The following SLC4A4 variants were observed in gnomAD, a reference collection of about 807,000 sequenced individuals.
The protein encoded by SLC4A4 is solute carrier family 4 member 4.
In SLC4A4, 27 loss-of-function variants were observed where a neutral mutation model predicts 111.5. The ratio of observed to expected loss-of-function variants is 0.24; its 90% confidence interval spans 0.18 to 0.33. SLC4A4 has a LOEUF of 0.33. Ranked by LOEUF, SLC4A4 falls within the 10% of genes least tolerant of loss-of-function variation. The probability of loss-of-function intolerance (pLI) is 1.00; values close to 1 mark genes in which losing one functional copy is unlikely to be tolerated. For missense variants in SLC4A4, 909 were observed against 1,315.5 expected (o/e 0.69, Z 4.78); for synonymous variants, 443 against 463.4 (o/e 0.96, Z 0.57).
intron 1 of SLC4A4, among the ~76,000 whole-genome samples, chr4:71,082,551 G>T (rs745809681): frequency 6.6e-6 from 1 of 152,038 alleles, no homozygotes; most frequent in Non-Finnish European, 1.5e-5. Context: ...CAGGAGAAGA[G>T]TATCTATTTA....
intron 2 of SLC4A4, 130 bp downstream of exon 2, chr4:71,236,779 A>T (rs562141200): frequency 1.3e-6 from 1 of 777,460 alleles, no homozygotes; most frequent in African/African-American, 1.7e-5. Flanking sequence ...AGTTTCATCA[A>T]TCTCTACATT....
chr4:71,252,588 G>A (rs72850700), intron 2 of SLC4A4, among the ~76,000 whole-genome samples: 2,573 of 152,246 alleles, frequency 0.017, 74 homozygotes, highest in African/African-American at 0.059. Flanking sequence ...TTGTTGGAAG[G>A]CAATATCTTC....
intron 2 of SLC4A4, among the ~76,000 whole-genome samples, chr4:71,097,261 G>A (rs1003139188): frequency 1.3e-5 from 2 of 152,128 alleles, no homozygotes; most frequent in African/African-American, 4.8e-5. Flanking sequence ...AGTTACAAGT[G>A]AGGACACGTG....
intron 4 of SLC4A4, among the ~76,000 whole-genome samples, chr4:71,348,058 C>T (rs1729486417): frequency 1.3e-5 from 2 of 151,966 alleles, no homozygotes; most frequent in African/African-American, 4.8e-5. Context: ...GATTCATATG[C>T]CTATTACCAA....
intron 3 of SLC4A4, among the ~76,000 whole-genome samples, chr4:71,333,042 AG>A (rs1374519645): frequency 2.6e-5 from 4 of 152,132 alleles, no homozygotes; most frequent in African/African-American, 7.2e-5. Context: ...TTGTTTGGTG[AG>A]GTCATGTTTT....
At chr4:71,221,449 CAA>C (rs1270426773) in intron 1 of SLC4A4, among the ~76,000 whole-genome samples, 2 of 152,180 alleles carry the variant, frequency 1.3e-5, no homozygotes, top group Admixed American at 1.3e-4. Flanking sequence ...CATTTTCCCC[CAA>C]AGTGCAGTCA....
chr4:71,367,141 C>G (rs1026450092), intron 6 of SLC4A4, among the ~76,000 whole-genome samples: 1 of 152,156 alleles, frequency 6.6e-6, no homozygotes, highest in African/African-American at 2.4e-5. Flanking sequence ...TAGTTCCCAA[C>G]AATACACTGA....
chr4:71,201,376 T>C (rs1278216766), intron 1 of SLC4A4, among the ~76,000 whole-genome samples: 1 of 152,168 alleles, frequency 6.6e-6, no homozygotes, highest in Admixed American at 6.5e-5. Context: ...GTCAGACGGC[T>C]CTCTTTGGCT....
chr4:71,187,087 CCT>C (rs1329282724), upstream of SLC4A4: 1 of 152,180 alleles, frequency 6.6e-6, no homozygotes, highest in Non-Finnish European at 1.5e-5. Context: ...CCCGCGCTCG[CCT>C]CTCTCCGGAG....
Position 71,534,397 on chromosome 4 carries a change from C to G in SLC4A4, c.2442+9C>G. 6.2e-7 allele frequency: 1 copy of G among 1,612,206 alleles called. No individual in the cohort carries two copies. The highest frequency in any genetic ancestry group is 8.5e-7 in the Non-Finnish European group (1 of 1,178,576). On this transcript the variant is annotated intron_variant, in intron 18 of 25. Coordinates refer to ENST00000264485, the MANE Select transcript of SLC4A4 (RefSeq NM_001098484.3). The stretch of plus-strand genomic sequence containing the variant: ...AAGAACATAAACTCAAGGTAAGTGT[C>G]CATAATAATGTCTGTCATTGCCTTC...
intron 1 of SLC4A4, among the ~76,000 whole-genome samples, chr4:71,082,874 G>C (rs1013372755): frequency 6.8e-6 from 1 of 147,698 alleles, no homozygotes; most frequent in Non-Finnish European, 1.5e-5. Flanking sequence ...TTTTGTTGGA[G>C]ACAGAGTCTA....
intron 8 of SLC4A4, among the ~76,000 whole-genome samples, chr4:71,445,811 G>A (rs1233894146): frequency 3.9e-5 from 6 of 152,112 alleles, no homozygotes; most frequent in Non-Finnish European, 7.4e-5. Context: ...AGTCCCTTTA[G>A]AAAAATACAC....
At chr4:71,546,681 T>C (rs1347627981) in intron 19 of SLC4A4, among the ~76,000 whole-genome samples, 153 bp downstream of exon 19, 1 of 152,010 alleles carries the variant, frequency 6.6e-6, no homozygotes, top group East Asian at 1.9e-4. Flanking sequence ...TAAATTTTCA[T>C]CAGAGGTTTC....
At chr4:71,193,772 C>T (rs1578575019) in intron 1 of SLC4A4, among the ~76,000 whole-genome samples, 1 of 152,154 alleles carries the variant, frequency 6.6e-6, no homozygotes, top group Admixed American at 6.5e-5. Flanking sequence ...AGTTTTTATC[C>T]AGTATCTTTT....
chr4:71,423,999 G>A lies in SLC4A4; in HGVS notation c.808-16617G>A, dbSNP rs376091550. Among the ~76,000 whole-genome samples, 5 of 152,084 alleles carry A rather than the reference G, an allele frequency of 3.3e-5. 1 individual carries two copies. Among genetic ancestry groups the A allele is most frequent in the Admixed American group, 6.6e-5 (1 of 15,218 alleles). On this transcript the variant is annotated intron_variant, in intron 7 of 25. Transcript: ENST00000264485. ...AGCCAAAATTGACAAATGGGATCTA[G>A]TTAAACTAAAGAGCTTCTGCACAGC...
rs77755757 is a variant in SLC4A4, at chr4:71,523,538, G to A, written c.2167-8524G>A. 4.7e-3 allele frequency among the ~76,000 whole-genome samples: 713 copies of A among 152,180 alleles called. 12 individuals carry two copies. Among genetic ancestry groups the A allele is most frequent in the African/African-American group, 0.016 (682 of 41,528 alleles). ...GAGCAGTGATTGGCCAAAACATTTC[G>A]AGAAAGCTTTTAGTGGTTGCAAAGA... On this transcript the variant is annotated intron_variant, in intron 16 of 25. Coordinates refer to ENST00000264485, the MANE Select transcript of SLC4A4 (RefSeq NM_001098484.3).
intron 7 of SLC4A4, among the ~76,000 whole-genome samples, chr4:71,436,558 A>G (rs1329617256): frequency 6.6e-6 from 1 of 152,310 alleles, no homozygotes; most frequent in East Asian, 1.9e-4. Flanking sequence ...AAAGTATAAA[A>G]AATACTTTTG....
At chr4:71,547,109 T>C (rs1401996033) in intron 19 of SLC4A4, among the ~76,000 whole-genome samples, 5 of 151,918 alleles carry the variant, frequency 3.3e-5, no homozygotes. Context: ...AGTGGGTGAT[T>C]CTTTTTTGGG....
chr4:71,253,764 T>A (rs755340998), intron 2 of SLC4A4, among the ~76,000 whole-genome samples: 3 of 152,186 alleles, frequency 2.0e-5, no homozygotes, highest in Admixed American at 6.5e-5. Flanking sequence ...CTGGCACACA[T>A]TCTGTGGGGA....
Sources: allele counts gnomAD v4.1 joint callset (sites outside exome capture counted in the v4.1 genomes callset), GRCh38; gene constraint gnomAD v4.1.1; transcripts MANE v1.5; gene names NCBI Gene and HGNC (gene_info 2026-07-23, HGNC 2026-07-21).